MYO1G: variants seen among roughly 807,000 people sequenced by gnomAD.
MYO1G encodes the protein myosin IG.
MYO1G carries 65 observed loss-of-function variants against 115.3 expected under a neutral mutation model. The ratio of observed to expected loss-of-function variants is 0.56; its 90% CI spans 0.46 to 0.69. The LOEUF (loss-of-function observed/expected upper bound fraction) is 0.69, where lower values mean the gene tolerates loss of function less well. Ranked by LOEUF, MYO1G falls within the 30% of genes least tolerant of loss-of-function variation. MYO1G has a pLI of 0.00. For missense variants in MYO1G, 1,204 were observed against 1,393.5 expected (o/e 0.86, Z 2.16); for synonymous variants, 510 against 552.6 (o/e 0.92, Z 1.08).
Position 44,970,923 on chromosome 7 carries a change from G to A in MYO1G, c.983C>T (p.Ala328Val), listed in dbSNP as rs142047672. 1.2e-5 allele frequency: 19 copies of A among 1,613,474 alleles called. No homozygotes were observed. Among genetic ancestry groups the A allele is most frequent in the Admixed American group, 1.0e-4 (6 of 60,002 alleles). Reference sequence around the variant, plus strand: ...CCTGCCTCCCGAGGCAACTGTGCGAGCCAGCAGGGAGCGGAGCACGAGGTC... The same window carrying A: ...CCTGCCTCCCGAGGCAACTGTGCGAACCAGCAGGGAGCGGAGCACGAGGTC... ...PRDLVLRSLL[A>V]RTVASGGREL... Residue 328 changes from alanine to valine, a missense_variant, in exon 8 of 22, where the codon GCT becomes GTT. By Grantham distance (64) the Ala-to-Val change is moderately conservative. Coordinates refer to ENST00000258787, the MANE Select transcript of MYO1G (RefSeq NM_033054.3).
chr7:44,975,266 G>T, intron 4 of MYO1G, 39 bp from the exon 5 acceptor site: 1 of 1,611,514 alleles, frequency 6.2e-7, no homozygotes, highest in Non-Finnish European at 8.5e-7. Context: ...GCCTGGGAAG[G>T]AGTCTGACCC....
chr7:44,966,073 C>A lies in MYO1G; in HGVS notation c.2157G>T (p.Lys719Asn). ...TGTCTTCCTGCCCCGCCCACCTCAC[C>A]TTCTGCAATAGCAGCACAATGATGG... is the stretch of plus-strand genomic sequence containing the variant. ...LIPIIVLLLQKAWRGTLARWR... is the reference protein window; with the variant it reads ...LIPIIVLLLQNAWRGTLARWR... Residue 719 changes from lysine to asparagine, a missense_variant and splice_region_variant, in exon 16 of 22, where the codon AAG becomes AAT. By Grantham distance (94) the Lys-to-Asn change is moderately conservative. Transcript: ENST00000258787. The surrounding 1 kb of genome is among the most constrained non-coding windows in gnomAD (Gnocchi z 5.0). 1.2e-6 allele frequency: 2 copies of A among 1,611,450 alleles called. No homozygotes were observed. Among genetic ancestry groups the A allele is most frequent in the Non-Finnish European group, 8.5e-7 (1 of 1,179,740 alleles).
rs1408903947 is a variant in MYO1G at position 44,971,778 on chromosome 7, A to G, written c.741T>C (p.Ser247=). The change falls in exon 7 of 22, where the codon AGT becomes AGC. Residue 247 remains serine, a synonymous_variant. Transcript: ENST00000258787. ...LNMTVHSALD[S]DEQSHQAVTE... ...TCACTGCCTGGTGGCTCTGCTCATC[A>G]CTGTCCAAGGCCTAGGGTAGAAGGG... 1 of 1,555,828 alleles carries G rather than the reference A, an allele frequency of 6.4e-7. No individual in the cohort carries two copies. The highest frequency in any genetic ancestry group is 8.7e-7 in the Non-Finnish European group (1 of 1,148,986).
chr7:44,974,364 C>T (rs1187771452), intron 5 of MYO1G: 1 of 152,048 alleles, frequency 6.6e-6, no homozygotes, highest in Admixed American at 6.6e-5. Flanking sequence ...GAGCTCCCAC[C>T]TCAGTAAAGA....
Position 44,976,924 on chromosome 7 carries a change from C to G in MYO1G, c.243G>C (p.Val81=), listed in dbSNP as rs1412411501. The G allele has an allele frequency of 6.2e-7, 1 of 1,613,464 alleles. No individual in the cohort carries two copies. The highest frequency in any genetic ancestry group is 1.3e-5 in the African/African-American group (1 of 74,948). The change falls in exon 2 of 22, where the codon GTG becomes GTC. Residue 81 remains valine, a synonymous_variant. Transcript: ENST00000258787. ...LYERPPHLYA[V]ANAAYKAMKH... is the part of the protein sequence containing the mutation. The stretch of plus-strand genomic sequence containing the variant: ...TCATTGCCTTGTAGGCGGCGTTGGC[C>G]ACAGCATAGAGATGGGGTGGCCGCT...
Position 44,966,884 on chromosome 7 carries a change from T to C in MYO1G, c.1783-46A>G, listed in dbSNP as rs771184701. 1.9e-6 allele frequency: 3 copies of C among 1,545,962 alleles called. No homozygotes were observed. The South Asian group carries it at 3.7e-5, about 19-fold the overall frequency. On this transcript the variant is annotated intron_variant, in intron 14 of 21. Transcript: ENST00000258787. This position sits in a 1 kb window ranked among gnomAD's most constrained non-coding sequence, Gnocchi z 5.0. ...TGGAGAGGGTCTGCGCCAGCAGCAC[T>C]GTGCACCCTGCCCCACACCAGGGGC...
At chr7:44,972,642 T>G in intron 5 of MYO1G, 1 of 184,666 alleles carries the variant, frequency 5.4e-6, no homozygotes, top group Non-Finnish European at 1.1e-5. Context: ...CCTAGGGAGC[T>G]CCACTTCAGT....
At chr7:44,975,786 G>T in intron 3 of MYO1G, 137 bp from the exon 4 acceptor site, 1 of 1,001,964 alleles carries the variant, frequency 1.0e-6, no homozygotes. Flanking sequence ...GGGAACCAAT[G>T]GCCTGGCCTC....
chr7:44,963,505 C>T lies in MYO1G; in HGVS notation c.2746-381G>A, dbSNP rs1348895745. 3 of 238,126 alleles carry T rather than the reference C, an allele frequency of 1.3e-5. No homozygotes were observed. The highest frequency in any genetic ancestry group is 5.3e-5 in the Admixed American group (1 of 18,962). The allele number at this position is 238,126 out of a possible 1,614,324, so 14.8% of individuals were successfully genotyped here. ...GCCGGCTTTGGGCTGTGGCATTACACAGCAAGGCACTCACCGCCCTTTCTA... is the reference window on the plus strand; with the variant it reads ...GCCGGCTTTGGGCTGTGGCATTACATAGCAAGGCACTCACCGCCCTTTCTA... On this transcript the variant is annotated intron_variant, in intron 20 of 21. Transcript: ENST00000258787. This position sits in a 1 kb window ranked among gnomAD's most constrained non-coding sequence, Gnocchi z 4.1.
chr7:44,964,843 C>G lies in MYO1G; in HGVS notation c.2526+102G>C. On this transcript the variant is annotated intron_variant, in intron 18 of 21. Transcript: ENST00000258787. The surrounding 1 kb of genome is among the most constrained non-coding windows in gnomAD (Gnocchi z 5.1). ...GGCCACCAGGACAGACAACCCCAGG[C>G]CTGGGAGAGGACATCTGAGGGGACC... The G allele has an allele frequency of 2.7e-6, 4 of 1,492,436 alleles. No individual in the cohort carries two copies. The highest frequency in any genetic ancestry group is 3.6e-6 in the Non-Finnish European group (4 of 1,108,118). 92.4% of individuals were successfully genotyped at this position (1,492,436 alleles called of 1,614,324 possible). A position where few individuals can be genotyped will look rare whatever the true frequency, so the allele number is the denominator to read the frequency against.
rs1169473112 is a variant in MYO1G at position 44,969,354 on chromosome 7, T to C, written c.1574+59A>G. 5 of 1,581,294 alleles carry C rather than the reference T, an allele frequency of 3.2e-6. No individual in the cohort carries two copies. Among genetic ancestry groups the C allele is most frequent in the East Asian group, 2.2e-5 (1 of 44,674 alleles). ...ACTCCCCTGAAGCGCTCCTGCCCCA[T>C]GACACATGCCATGGTGCCTGTGGGA... On this transcript the variant is annotated intron_variant, in intron 12 of 21. Coordinates refer to ENST00000258787, the MANE Select transcript of MYO1G (RefSeq NM_033054.3). This position sits in a 1 kb window ranked among gnomAD's most constrained non-coding sequence, Gnocchi z 5.0.
chr7:44,964,189 C>G lies in MYO1G; in HGVS notation c.2632-27G>C. ...TGTGGGAGAGGTGGCTGGACCCAGG[C>G]TGGTGCTGCCCTGTCACCCACCAGG... On this transcript the variant is annotated intron_variant, in intron 19 of 21. Coordinates refer to ENST00000258787, the MANE Select transcript of MYO1G (RefSeq NM_033054.3). This position sits in a 1 kb window ranked among gnomAD's most constrained non-coding sequence, Gnocchi z 5.1. The G allele has an allele frequency of 6.4e-7, 1 of 1,553,268 alleles. No individual in the cohort carries two copies. The highest frequency in any genetic ancestry group is 1.2e-5 in the South Asian group (1 of 85,618).
Position 44,962,902 on chromosome 7 carries a change from CAGG to C in MYO1G, c.2901-10_2901-8del. ...CTCCAGGGTGCGGCCCTCCCTGCGG[CAGG>C]AGGAGGGGTCAGGGCGGCCACGCGG... is the stretch of plus-strand genomic sequence containing the variant. On this transcript the variant is annotated splice_polypyrimidine_tract_variant and splice_region_variant and intron_variant, in intron 21 of 21. Transcript: ENST00000258787. The surrounding 1 kb of genome is among the most constrained non-coding windows in gnomAD (Gnocchi z 5.3). 6.7e-7 allele frequency: 1 copy of C among 1,489,272 alleles called. No homozygotes were observed. The highest frequency in any genetic ancestry group is 8.9e-7 in the Non-Finnish European group (1 of 1,121,540). 92.3% of individuals were successfully genotyped at this position (1,489,272 alleles called of 1,614,324 possible). A position where few individuals can be genotyped will look rare whatever the true frequency, so the allele number is the denominator to read the frequency against.
intron 6 of MYO1G, 141 bp from the exon 7 acceptor site, chr7:44,971,930 G>T: frequency 1.3e-6 from 1 of 759,392 alleles, no homozygotes; most frequent in Non-Finnish European, 2.2e-6. Context: ...TCCAGCCTAA[G>T]CACCTGCTCA....
chr7:44,975,095 A>G, intron 5 of MYO1G, 79 bp downstream of exon 5: 1 of 1,443,182 alleles, frequency 6.9e-7, no homozygotes, highest in South Asian at 1.1e-5. Context: ...TAGTGATGGA[A>G]GGGTCACAAG....
intron 5 of MYO1G, chr7:44,974,906 A>G (rs1310000515): frequency 1.9e-6 from 1 of 537,588 alleles, no homozygotes; most frequent in African/African-American, 1.9e-5. Context: ...AGAGACACTT[A>G]TGGGTCCCAG....
chr7:44,975,291 G>A (rs1440360070), intron 4 of MYO1G, 64 bp from the exon 5 acceptor site: 19 of 1,588,556 alleles, frequency 1.2e-5, no homozygotes, highest in South Asian at 2.2e-5. Flanking sequence ...GACCCCATCT[G>A]AACATTCCCA....
At position 44,971,922 on chromosome 7, in the gene MYO1G, C is replaced by T. The variant is rs541742101; in HGVS notation, c.730-133G>A. 17 of 768,850 alleles carry T rather than the reference C, an allele frequency of 2.2e-5. No individual in the cohort carries two copies. In the Admixed American group the frequency reaches 2.7e-4, roughly 12 times the overall value. 47.6% of individuals were successfully genotyped at this position (768,850 alleles called of 1,614,324 possible). ...GTCCCCTTCCTGAACCTGATTACTC[C>T]AGCCTAAGCACCTGCTCACCCCTGC... On this transcript the variant is annotated intron_variant, in intron 6 of 21. Transcript: ENST00000258787.
chr7:44,974,236 C>T (rs12536741), intron 5 of MYO1G: 26,380 of 151,748 alleles, frequency 0.17, 2,784 homozygotes, highest in Non-Finnish European at 0.22. Flanking sequence ...CTCCTTGCAT[C>T]CCAGGAGGCT....
Sources: allele counts gnomAD v4.1 joint callset, GRCh38; gene constraint gnomAD v4.1.1; non-coding constraint Gnocchi (gnomAD v3.1); transcripts MANE v1.5; gene names NCBI Gene and HGNC (gene_info 2026-07-23, HGNC 2026-07-21).